FOXP1: variants seen among roughly 807,000 people sequenced by gnomAD.
The protein encoded by FOXP1 is forkhead box protein P1.
In FOXP1, 15 loss-of-function variants were observed where a neutral mutation model predicts 98.2. The observed-to-expected ratio is 0.15, with a 90% CI of 0.10 to 0.24. The LOEUF is 0.24. Among genes scored for constraint, FOXP1 ranks in the 10% least tolerant of loss-of-function variants. The pLI is 1.00. For synonymous variants in FOXP1, 371 were observed against 314.5 expected, an observed-to-expected ratio of 1.18 and a Z score of -1.90; for missense variants, 633 against 848.5, an observed-to-expected ratio of 0.75 and a Z score of 3.15.
At chr3:71,217,163 C>A (rs1018270050) in intron 5 of FOXP1, among the ~76,000 whole-genome samples, 13 of 152,186 alleles carry the variant, frequency 8.5e-5, no homozygotes, top group African/African-American at 3.1e-4. Flanking sequence ...ACCTCCGCCT[C>A]CCAGGTTCAG....
In FOXP1 at chr3:71,443,617, A is replaced by G. The variant is rs73091724; in HGVS notation, c.-168+49809T>C. Among the ~76,000 whole-genome samples, 1,170 of 151,990 alleles carry G rather than the reference A, an allele frequency of 7.7e-3. 8 individuals carry two copies. Among genetic ancestry groups the G allele is most frequent in the Non-Finnish European group, 0.011 (747 of 67,974 alleles). ...CACAGACTGCCAGCCCTCATGCCAG[A>G]TTTTCTGATTCTGCCACTCTCCCTC... On this transcript the variant is annotated intron_variant, in intron 3 of 20. Coordinates refer to ENST00000649528, the MANE Select transcript of FOXP1 (RefSeq NM_001349338.3).
chr3:71,388,456 T>C (rs2080764994), intron 3 of FOXP1, among the ~76,000 whole-genome samples: 1 of 152,188 alleles, frequency 6.6e-6, no homozygotes, highest in Admixed American at 6.5e-5. Context: ...TACCCGAACA[T>C]GCATTACTTC....
intron 3 of FOXP1, among the ~76,000 whole-genome samples, chr3:71,436,154 C>T (rs1262107944): frequency 2.0e-5 from 3 of 152,020 alleles, no homozygotes; most frequent in Admixed American, 6.6e-5. Flanking sequence ...ATTTCCCAAA[C>T]TGTTCCTGGT....
Position 71,272,486 on chromosome 3 carries a change from T to A in FOXP1, c.-12+27334A>T, listed in dbSNP as rs1448424256. Among the ~76,000 whole-genome samples, 4 of 152,150 alleles carry A rather than the reference T, an allele frequency of 2.6e-5. No individual in the cohort carries two copies. In the East Asian group the frequency reaches 7.8e-4, roughly 30 times the overall value. On this transcript the variant is annotated intron_variant, in intron 5 of 20. Transcript: ENST00000649528. Reference sequence around the variant, plus strand: ...TTTCAGGAGGACAAGTAACAGAAGATGGCCTCAGTAATAGAGAAGACCTAG... The same window carrying A: ...TTTCAGGAGGACAAGTAACAGAAGAAGGCCTCAGTAATAGAGAAGACCTAG...
At chr3:70,979,779 A>T (rs1575825260) in intron 14 of FOXP1, among the ~76,000 whole-genome samples, 1 of 51,542 alleles carries the variant, frequency 1.9e-5, no homozygotes, top group Non-Finnish European at 7.8e-5. Context: ...CACTCTAGTT[A>T]AAAAAAAAAA....
chr3:71,450,127 T>C (rs984339161), intron 3 of FOXP1, among the ~76,000 whole-genome samples: 1 of 152,208 alleles, frequency 6.6e-6, no homozygotes, highest in Admixed American at 6.5e-5. Context: ...AAGAGGTAGG[T>C]GGAAGACAAA....
At chr3:71,501,293 C>CTTTT (rs763654842) in intron 2 of FOXP1, among the ~76,000 whole-genome samples, 7 of 129,722 alleles carry the variant, frequency 5.4e-5, no homozygotes, top group Admixed American at 7.7e-5. Context: ...AAATGCTTTT[C>CTTTT]TTTTTTTTTT....
intron 5 of FOXP1, among the ~76,000 whole-genome samples, chr3:71,265,769 T>C (rs1342908571): frequency 1.3e-5 from 2 of 151,994 alleles, no homozygotes; most frequent in Non-Finnish European, 2.9e-5. Context: ...AAAGAACTGA[T>C]AAGAGTATGA....
chr3:71,383,855 G>A (rs914844381), intron 3 of FOXP1, among the ~76,000 whole-genome samples: 4 of 152,184 alleles, frequency 2.6e-5, no homozygotes, highest in African/African-American at 9.7e-5. Flanking sequence ...AGATAAAAGA[G>A]GGTAAGTCAG....
chr3:71,040,208 T>A (rs2048161818), intron 11 of FOXP1: 1 of 152,070 alleles, frequency 6.6e-6, no homozygotes, highest in Admixed American at 6.6e-5. Flanking sequence ...GTAGGCTTCT[T>A]AAATACTCAA....
intron 3 of FOXP1, among the ~76,000 whole-genome samples, chr3:71,413,840 T>A (rs890319524): frequency 6.6e-6 from 1 of 152,132 alleles, no homozygotes; most frequent in African/African-American, 2.4e-5. Flanking sequence ...ATTTTATATA[T>A]CTTTTCCCCT....
chr3:71,424,076 A>C (rs887211052), intron 3 of FOXP1, among the ~76,000 whole-genome samples: 4 of 152,296 alleles, frequency 2.6e-5, no homozygotes, highest in South Asian at 4.1e-4. Context: ...TATAGGCCCA[A>C]GCTGTCAGGC....
chr3:71,373,304 C>T (rs528788462), intron 3 of FOXP1, among the ~76,000 whole-genome samples: 1 of 139,692 alleles, frequency 7.2e-6, no homozygotes, highest in East Asian at 2.0e-4. Context: ...ATCCTATATG[C>T]TCCAAAATGT....
chr3:71,274,182 G>A (rs1240212826), intron 5 of FOXP1, among the ~76,000 whole-genome samples: 1 of 152,188 alleles, frequency 6.6e-6, no homozygotes, highest in Admixed American at 6.5e-5. Context: ...CTGCAGACAT[G>A]TTTTATTCAT....
chr3:71,112,182 G>C (rs1483714492), intron 7 of FOXP1, among the ~76,000 whole-genome samples: 1 of 152,180 alleles, frequency 6.6e-6, no homozygotes, highest in Non-Finnish European at 1.5e-5. Context: ...TAAGGTGTGT[G>C]TCTGTGTGTG....
chr3:71,212,359 T>C lies in FOXP1; in HGVS notation c.-11-13967A>G, dbSNP rs2064546968. ...ATAATCTTGACCCTTAAGCACTGGA[T>C]TCCTAACAGTGCAATTCACAAAGCA... On this transcript the variant is annotated intron_variant, in intron 5 of 20. Transcript: ENST00000649528. Among the ~76,000 whole-genome samples, 4 of 152,162 alleles carry C rather than the reference T, an allele frequency of 2.6e-5. No homozygotes were observed. The South Asian group carries it at 8.3e-4, about 32-fold the overall frequency.
At chr3:71,188,353 T>C (rs1214364244) in intron 6 of FOXP1, among the ~76,000 whole-genome samples, 3 of 152,162 alleles carry the variant, frequency 2.0e-5, no homozygotes, top group Non-Finnish European at 4.4e-5. Flanking sequence ...GACAAGGTAA[T>C]GTGATAAAAA....
intron 2 of FOXP1, among the ~76,000 whole-genome samples, chr3:71,496,295 T>C (rs2091402353): frequency 6.6e-6 from 1 of 151,246 alleles, no homozygotes; most frequent in Non-Finnish European, 1.5e-5. Context: ...AGATAAGAGC[T>C]TTCTAGAAGA....
rs182382565 is a variant in FOXP1, at chr3:71,271,748, C to T, written c.-12+28072G>A. The stretch of plus-strand genomic sequence containing the variant: ...CCTACAGAGAGACAGAGGCTGCTCA[C>T]GTACCAAAAAATAGAAAGGAGACAA... On this transcript the variant is annotated intron_variant, in intron 5 of 20. Transcript: ENST00000649528. 2.0e-3 allele frequency among the ~76,000 whole-genome samples: 306 copies of T among 152,206 alleles called. 4 individuals carry two copies. The highest frequency in any genetic ancestry group is 5.0e-3 in the South Asian group (24 of 4,820).
Sources: gnomAD v4.1 joint callset for allele counts (sites outside exome capture counted in the v4.1 genomes callset) on GRCh38, gnomAD v4.1.1 for gene constraint, MANE v1.5 for transcripts, NCBI Gene and HGNC (gene_info 2026-07-23, HGNC 2026-07-21) for gene names.